The following LRMDA variants were observed in gnomAD, a reference collection of about 807,000 sequenced individuals.
LRMDA encodes the protein leucine-rich melanocyte differentiation-associated protein.
LRMDA carries 18 observed loss-of-function variants against 29.8 expected under a neutral mutation model. That is an observed-to-expected ratio of 0.60 (90% CI 0.42 to 0.90). The LOEUF (loss-of-function observed/expected upper bound fraction) is 0.90. LRMDA is among the 40% of genes least tolerant of loss of function. The probability of loss-of-function intolerance (pLI) is 0.00; values close to 1 mark genes in which losing one functional copy is unlikely to be tolerated. For missense variants in LRMDA, 273 were observed against 273.9 expected (o/e 1.00, Z 0.02); for synonymous variants, 125 against 109.4 (o/e 1.14, Z -0.89).
chr10:76,210,734 T>A (rs1479021682), intron 5 of LRMDA, among the ~76,000 whole-genome samples: 2 of 152,142 alleles, frequency 1.3e-5, no homozygotes, highest in Non-Finnish European at 2.9e-5. Context: ...AGTCACTTGA[T>A]TTCTTTGGAC....
At chr10:76,137,784 A>C (rs563651806) in intron 5 of LRMDA, among the ~76,000 whole-genome samples, 5 of 149,780 alleles carry the variant, frequency 3.3e-5, no homozygotes, top group Middle Eastern at 3.4e-3. Flanking sequence ...AAAAAAAAAA[A>C]AACAAACAAA....
intron 2 of LRMDA, among the ~76,000 whole-genome samples, chr10:75,551,967 C>T (rs1440462454): frequency 6.6e-6 from 1 of 151,944 alleles, no homozygotes; most frequent in Non-Finnish European, 1.5e-5. Flanking sequence ...TGCCTGAGCC[C>T]AGGAGGTCAA....
At chr10:75,647,779 T>C (rs1564530354) in intron 2 of LRMDA, among the ~76,000 whole-genome samples, 2 of 152,208 alleles carry the variant, frequency 1.3e-5, no homozygotes, top group Non-Finnish European at 2.9e-5. Context: ...TCTTGGTGAC[T>C]GGGAATTGGA....
intron 6 of LRMDA, among the ~76,000 whole-genome samples, chr10:76,459,038 T>G (rs917411197): frequency 6.6e-6 from 1 of 152,144 alleles, no homozygotes; most frequent in Non-Finnish European, 1.5e-5. Context: ...TGCACATTTC[T>G]TATTCCTTTT....
intron 2 of LRMDA, among the ~76,000 whole-genome samples, chr10:75,752,478 G>T (rs1842980795): frequency 6.6e-6 from 1 of 152,120 alleles, no homozygotes; most frequent in African/African-American, 2.4e-5. Context: ...CCAAAGTGCT[G>T]GGATTACAGG....
intron 2 of LRMDA, among the ~76,000 whole-genome samples, chr10:75,523,882 T>C (rs995912948): frequency 6.6e-5 from 10 of 152,148 alleles, no homozygotes; most frequent in African/African-American, 2.2e-4. Flanking sequence ...TCCACCCCAG[T>C]TGATAATTTT....
chr10:75,578,455 G>T (rs1564805476), intron 2 of LRMDA, among the ~76,000 whole-genome samples: 1 of 151,914 alleles, frequency 6.6e-6, no homozygotes, highest in Non-Finnish European at 1.5e-5. Context: ...ATAATAGTGG[G>T]AGACTTTAAC....
intron 6 of LRMDA, among the ~76,000 whole-genome samples, chr10:76,470,975 T>C (rs1326920662): frequency 6.6e-6 from 1 of 151,892 alleles, no homozygotes; most frequent in African/African-American, 2.4e-5. Context: ...AAAAAAGCAA[T>C]TATATAAAAT....
chr10:75,477,012 G>A (rs1844802758), intron 2 of LRMDA, among the ~76,000 whole-genome samples: 1 of 150,146 alleles, frequency 6.7e-6, no homozygotes, highest in African/African-American at 2.5e-5. Context: ...TTTTTTGGAG[G>A]CATGATCTCC....
intron 2 of LRMDA, among the ~76,000 whole-genome samples, chr10:75,584,172 C>G (rs1840629411): frequency 6.6e-6 from 1 of 152,140 alleles, no homozygotes; most frequent in South Asian, 2.1e-4. Context: ...TCCCCATAGG[C>G]CTTTTATTGC....
In LRMDA at chr10:76,007,017, TGTGTGTGTGTGTGTGCGC is replaced by T. The variant is rs1470164820; in HGVS notation, c.132-28982_132-28965del. Among the ~76,000 whole-genome samples the T allele has an allele frequency of 2.0e-3, 231 of 117,996 alleles. 4 individuals are homozygous for T. Among genetic ancestry groups the T allele is most frequent in the African/African-American group, 6.9e-3 (214 of 30,818 alleles). 77.4% of individuals were successfully genotyped at this position (117,996 alleles called of 152,430 possible). ...GTGTGTGTGTGTGTGTGTGTGTGTG[TGTGTGTGTGTGTGTGCGC>T]GTGTGTGTTTATATATTTATTTTCC... On this transcript the variant is annotated intron_variant, in intron 2 of 6. Coordinates refer to ENST00000611255, the MANE Select transcript of LRMDA (RefSeq NM_001305581.2).
chr10:76,165,815 C>G (rs894463177), intron 5 of LRMDA, among the ~76,000 whole-genome samples: 1 of 152,142 alleles, frequency 6.6e-6, no homozygotes, highest in Admixed American at 6.5e-5. Flanking sequence ...AAGTCCCCCC[C>G]ACAACACGTG....
chr10:76,533,523 T>G (rs1407703199), intron 6 of LRMDA, among the ~76,000 whole-genome samples: 1 of 152,204 alleles, frequency 6.6e-6, no homozygotes, highest in Non-Finnish European at 1.5e-5. Flanking sequence ...TTGCTGTCAT[T>G]CAGGAGCTTG....
chr10:75,667,519 C>G (rs1227734225), intron 2 of LRMDA, among the ~76,000 whole-genome samples: 1 of 152,160 alleles, frequency 6.6e-6, no homozygotes, highest in Admixed American at 6.5e-5. Context: ...AGGTTGGTCT[C>G]AAACTCCTGG....
At chr10:75,957,671 G>A (rs1846687666) in intron 2 of LRMDA, among the ~76,000 whole-genome samples, 1 of 152,180 alleles carries the variant, frequency 6.6e-6, no homozygotes, top group Non-Finnish European at 1.5e-5. Flanking sequence ...GGAGTGATGG[G>A]TAGCCATGAT....
chr10:75,734,055 A>G (rs879636457), intron 2 of LRMDA, among the ~76,000 whole-genome samples: 4 of 152,104 alleles, frequency 2.6e-5, no homozygotes, highest in Non-Finnish European at 5.9e-5. Flanking sequence ...GGAGATGGTT[A>G]TTGGATTTGC....
At chr10:76,217,250 T>TA (rs1255020686) in intron 5 of LRMDA, among the ~76,000 whole-genome samples, 1 of 152,222 alleles carries the variant, frequency 6.6e-6, no homozygotes, top group African/African-American at 2.4e-5. Flanking sequence ...AACTGCAATA[T>TA]AGTGACATGA....
intron 2 of LRMDA, among the ~76,000 whole-genome samples, chr10:75,982,537 G>A (rs1847191264): frequency 6.6e-6 from 1 of 152,148 alleles, no homozygotes; most frequent in South Asian, 2.1e-4. Flanking sequence ...CTTGGTCTCT[G>A]TGAATTGGTT....
chr10:75,629,430 T>C (rs1473098863), intron 2 of LRMDA, among the ~76,000 whole-genome samples: 2 of 152,180 alleles, frequency 1.3e-5, no homozygotes, highest in Non-Finnish European at 2.9e-5. Context: ...CTCCTACACA[T>C]GTCATTGCTC....
Sources: gnomAD v4.1 joint callset for allele counts (sites outside exome capture counted in the v4.1 genomes callset) on GRCh38, gnomAD v4.1.1 for gene constraint, MANE v1.5 for transcripts, NCBI Gene and HGNC (gene_info 2026-07-23, HGNC 2026-07-21) for gene names.